ZFHX3: variants seen among roughly 807,000 people sequenced by gnomAD.
ZFHX3 encodes zinc finger homeobox protein 3.
Under a neutral mutation model 279.1 loss-of-function variants are expected in ZFHX3, and 42 were observed. That is an observed-to-expected ratio of 0.15 (90% CI 0.12 to 0.19). ZFHX3 has a LOEUF of 0.19. Among genes scored for constraint, ZFHX3 ranks in the 10% least tolerant of loss-of-function variants. ZFHX3 has a pLI of 1.00. For missense variants in ZFHX3, 4,981 were observed against 4,754.0 expected (o/e 1.05, Z -1.40); for synonymous variants, 2,293 against 1,957.8 (o/e 1.17, Z -4.52).
intron 7 of ZFHX3, among the ~76,000 whole-genome samples, chr16:73,129,324 G>T (rs1966631355): frequency 2.0e-5 from 3 of 151,420 alleles, no homozygotes; most frequent in Admixed American, 6.6e-5. Flanking sequence ...GGAGGTGGAG[G>T]TTGCAGTGAG....
At chr16:73,769,933 A>T (rs1223904873) in intron 1 of ZFHX3, among the ~76,000 whole-genome samples, 2 of 152,252 alleles carry the variant, frequency 1.3e-5, no homozygotes, top group African/African-American at 4.8e-5. Context: ...GTGTGAATAA[A>T]GAAAGTAGTG....
At chr16:73,480,712 A>G (rs1364695664) in intron 2 of ZFHX3, among the ~76,000 whole-genome samples, 1 of 152,034 alleles carries the variant, frequency 6.6e-6, no homozygotes, top group African/African-American at 2.4e-5. Flanking sequence ...TCTTACAGGG[A>G]CCCCTAAGCT....
chr16:73,705,282 C>T (rs1597074458), intron 1 of ZFHX3, among the ~76,000 whole-genome samples: 1 of 152,254 alleles, frequency 6.6e-6, no homozygotes, highest in South Asian at 2.1e-4. Flanking sequence ...AGAGCTGGCT[C>T]CAACCCATCA....
At chr16:73,445,314 G>GTGTGTA (rs781286972) in intron 3 of ZFHX3, among the ~76,000 whole-genome samples, 33 of 151,318 alleles carry the variant, frequency 2.2e-4, no homozygotes, top group Non-Finnish European at 4.0e-4. Context: ...GTGTGTGTGT[G>GTGTGTA]TATATGTATG....
At chr16:73,865,736 T>C (rs1356482881) in intron 1 of ZFHX3, among the ~76,000 whole-genome samples, 1 of 151,848 alleles carries the variant, frequency 6.6e-6, no homozygotes, top group Non-Finnish European at 1.5e-5. Flanking sequence ...TCCCAGCACT[T>C]TGAGAGGCCC....
chr16:73,760,415 G>A (rs1473655834), intron 1 of ZFHX3, among the ~76,000 whole-genome samples: 1 of 152,012 alleles, frequency 6.6e-6, no homozygotes, highest in Non-Finnish European at 1.5e-5. Flanking sequence ...AGAAAAAGAG[G>A]GAATCCTCCC....
intron 2 of ZFHX3, among the ~76,000 whole-genome samples, chr16:73,506,527 G>A (rs1362998374): frequency 6.6e-6 from 1 of 152,164 alleles, no homozygotes; most frequent in Non-Finnish European, 1.5e-5. Flanking sequence ...ATGTATATTA[G>A]CCAGAATGAT....
intron 4 of ZFHX3, among the ~76,000 whole-genome samples, chr16:72,880,124 C>G (rs578236896): frequency 1.3e-5 from 2 of 152,216 alleles, no homozygotes; most frequent in African/African-American, 4.8e-5. Flanking sequence ...GCCTGGTGGG[C>G]GCTGACAGTT....
At chr16:73,859,776 A>T (rs1365088095) in intron 1 of ZFHX3, among the ~76,000 whole-genome samples, 2 of 152,210 alleles carry the variant, frequency 1.3e-5, no homozygotes, top group Non-Finnish European at 2.9e-5. Context: ...TTCATATATT[A>T]ATAAAGCCTA....
chr16:72,935,543 C>G (rs547667618), intron 3 of ZFHX3, among the ~76,000 whole-genome samples: 2 of 152,032 alleles, frequency 1.3e-5, no homozygotes, highest in African/African-American at 2.4e-5. Context: ...GAGTTCGAGA[C>G]CAGACTGGGC....
rs1372589157 is a variant in ZFHX3, at chr16:72,788,313, G to A, written c.9963C>T (p.Pro3321=). 1 of 1,614,208 alleles carries A rather than the reference G, an allele frequency of 6.2e-7. No individual in the cohort carries two copies. The highest frequency in any genetic ancestry group is 1.7e-5 in the Admixed American group (1 of 60,024). ...CGCTCTGCAGGGCGCCAGGGATCTGGGGAGCATAATAAGGAGAAAAGCCTG... is the reference window on the plus strand; with the variant it reads ...CGCTCTGCAGGGCGCCAGGGATCTGAGGAGCATAATAAGGAGAAAAGCCTG... The part of the protein sequence containing the change: ...FVPGFSPYYA[P]QIPGALQSGY... The change falls in exon 10 of 10, where the codon CCC becomes CCT. Residue 3321 remains proline, a synonymous_variant. Transcript: ENST00000268489.
intron 1 of ZFHX3, among the ~76,000 whole-genome samples, chr16:73,753,078 G>C (rs2053775634): frequency 6.6e-6 from 1 of 152,136 alleles, no homozygotes; most frequent in African/African-American, 2.4e-5. Context: ...TGACCCCTAA[G>C]TGCAGTGCTG....
Position 73,187,517 on chromosome 16 carries a change from A to G in ZFHX3, c.-1103-43686T>C, listed in dbSNP as rs1420449677. Among the ~76,000 whole-genome samples, 3 of 152,180 alleles carry G rather than the reference A, an allele frequency of 2.0e-5. No homozygotes were observed. The East Asian group carries it at 5.8e-4, about 29-fold the overall frequency. ...AGATAATGTTTTAGAGGAAAGAGAA[A>G]AGGAGTGTGGTGAGACTCCTGTGGC... is the stretch of plus-strand genomic sequence containing the variant. On this transcript the variant is annotated intron_variant, in intron 5 of 17. Transcript: ENST00000641206.
At chr16:73,548,789 C>A (rs1192847329) in intron 2 of ZFHX3, among the ~76,000 whole-genome samples, 2 of 151,984 alleles carry the variant, frequency 1.3e-5, no homozygotes, top group Non-Finnish European at 1.5e-5. Flanking sequence ...TAAAATGTGC[C>A]TTTGAATTGC....
chr16:73,531,945 T>C (rs890690602), intron 2 of ZFHX3, among the ~76,000 whole-genome samples: 3 of 151,114 alleles, frequency 2.0e-5, no homozygotes, highest in African/African-American at 4.9e-5. Flanking sequence ...AAAAATTGAC[T>C]GGATATGTGG....
intron 1 of ZFHX3, among the ~76,000 whole-genome samples, chr16:72,977,679 GA>G (rs1473777967): frequency 6.7e-6 from 1 of 149,492 alleles, no homozygotes; most frequent in Admixed American, 6.7e-5. Context: ...GGGACTCAGG[GA>G]AAAAAAAAGC....
At chr16:73,727,528 T>G (rs2053529664) in intron 1 of ZFHX3, among the ~76,000 whole-genome samples, 1 of 152,182 alleles carries the variant, frequency 6.6e-6, no homozygotes, top group Admixed American at 6.5e-5. Context: ...TTGATTTTTC[T>G]TCTACCATTA....
At chr16:73,306,933 A>G (rs1292684402) in intron 4 of ZFHX3, among the ~76,000 whole-genome samples, 1 of 152,216 alleles carries the variant, frequency 6.6e-6, no homozygotes, top group East Asian at 1.9e-4. Flanking sequence ...TGAAGGCTAA[A>G]TGAAAACCTT....
At chr16:73,336,020 C>T (rs958282082) in intron 3 of ZFHX3, among the ~76,000 whole-genome samples, 1 of 152,166 alleles carries the variant, frequency 6.6e-6, no homozygotes, top group Non-Finnish European at 1.5e-5. Context: ...CAGCAGTGCA[C>T]GTGTTCTAAG....
Sources: allele counts gnomAD v4.1 joint callset (sites outside exome capture counted in the v4.1 genomes callset), GRCh38; gene constraint gnomAD v4.1.1; transcripts MANE v1.5; gene names NCBI Gene and HGNC (gene_info 2026-07-23, HGNC 2026-07-21).